The following CDH4 variants were observed in gnomAD, a reference collection of about 807,000 sequenced individuals.
The protein encoded by CDH4 is cadherin-4.
CDH4 carries 33 observed loss-of-function variants against 86.0 expected under a neutral mutation model. The observed-to-expected ratio is 0.38, with a 90% confidence interval of 0.29 to 0.51. CDH4 has a LOEUF of 0.51. Among genes scored for constraint, CDH4 ranks in the 20% least tolerant of loss-of-function variants. The pLI is 0.86. For synonymous variants in CDH4, 555 were observed against 549.4 expected (o/e 1.01, Z -0.14); for missense variants, 1,114 against 1,307.4 (o/e 0.85, Z 2.28).
At chr20:61,523,490 C>T (rs1254236709) in intron 2 of CDH4, among the ~76,000 whole-genome samples, 1 of 152,270 alleles carries the variant, frequency 6.6e-6, no homozygotes, top group Non-Finnish European at 1.5e-5. Flanking sequence ...CTTCCAAAAC[C>T]TTCCATGGAG....
At chr20:61,702,497 G>C (rs1049929692) in intron 2 of CDH4, among the ~76,000 whole-genome samples, 1 of 152,198 alleles carries the variant, frequency 6.6e-6, no homozygotes, top group African/African-American at 2.4e-5. Flanking sequence ...CAGACGCTTC[G>C]CACTGTGTGT....
chr20:61,546,564 G>A (rs934512474), intron 2 of CDH4, among the ~76,000 whole-genome samples: 3 of 151,702 alleles, frequency 2.0e-5, no homozygotes, highest in Non-Finnish European at 4.4e-5. Flanking sequence ...AGGCAGTTTT[G>A]TGCCCAGAAA....
At chr20:61,852,979 G>A in intron 6 of CDH4, 81 bp downstream of exon 6, 1 of 1,440,608 alleles carries the variant, frequency 6.9e-7, no homozygotes, top group Non-Finnish European at 9.5e-7. Context: ...GGGGAGGGCT[G>A]CTTAGTCCCC....
chr20:61,458,567 GTGA>G (rs909176072), intron 2 of CDH4, among the ~76,000 whole-genome samples: 5 of 152,072 alleles, frequency 3.3e-5, no homozygotes, highest in African/African-American at 7.2e-5. Flanking sequence ...GGTGATGATA[GTGA>G]TGATGGTGAT....
chr20:61,451,297 A>C (rs2085379091), intron 2 of CDH4, among the ~76,000 whole-genome samples: 2 of 151,988 alleles, frequency 1.3e-5, no homozygotes, highest in Admixed American at 1.3e-4. Context: ...ACGGACCACC[A>C]TGGAGCATGT....
At chr20:61,733,014 C>G (rs2088213033) in intron 2 of CDH4, among the ~76,000 whole-genome samples, 1 of 152,070 alleles carries the variant, frequency 6.6e-6, no homozygotes, top group Non-Finnish European at 1.5e-5. Context: ...CAGCTCCCAC[C>G]TCTGAAAACG....
chr20:61,890,735 GT>G (rs981748381), intron 7 of CDH4, among the ~76,000 whole-genome samples: 1 of 151,986 alleles, frequency 6.6e-6, no homozygotes, highest in East Asian at 1.9e-4. Flanking sequence ...GCTATTTCTG[GT>G]TTTTTTTGTA....
At chr20:61,349,591 G>A (rs2084698110) in intron 2 of CDH4, among the ~76,000 whole-genome samples, 1 of 152,224 alleles carries the variant, frequency 6.6e-6, no homozygotes, top group Non-Finnish European at 1.5e-5. Flanking sequence ...GCTGCTGGAT[G>A]TGTATGGACC....
intron 2 of CDH4, among the ~76,000 whole-genome samples, chr20:61,677,989 A>G (rs2087464450): frequency 6.6e-6 from 1 of 152,058 alleles, no homozygotes; most frequent in African/African-American, 2.4e-5. Context: ...GATAGATGAT[A>G]CATAGATGGA....
chr20:61,369,387 G>T lies in CDH4; in HGVS notation c.169+114450G>T, dbSNP rs555050759. 1.6e-4 allele frequency among the ~76,000 whole-genome samples: 24 copies of T among 148,470 alleles called. No individual in the cohort carries two copies. The South Asian group carries it at 5.1e-3, about 32-fold the overall frequency. ...AATTGCTTGAACCCGGGTGGTGGAGGTTGCAGTGAGCCAAGACCATAACAT... is the reference window on the plus strand; with the variant it reads ...AATTGCTTGAACCCGGGTGGTGGAGTTTGCAGTGAGCCAAGACCATAACAT... On this transcript the variant is annotated intron_variant, in intron 2 of 15. Transcript: ENST00000614565.
intron 2 of CDH4, among the ~76,000 whole-genome samples, chr20:61,274,445 TTGTGCAGTTTGGGGGAAGACCA>T (rs1394649221): frequency 7.6e-4 from 18 of 23,802 alleles, no homozygotes; most frequent in Non-Finnish European, 1.2e-3. Context: ...GGGGAGTACT[TTGTGCAGTTTGGGGGAAGACCA>T]TGTGCAGTTT....
At chr20:61,425,256 G>T (rs566977789) in intron 2 of CDH4, among the ~76,000 whole-genome samples, 2 of 152,256 alleles carry the variant, frequency 1.3e-5, no homozygotes, top group South Asian at 2.1e-4. Flanking sequence ...ACCACAGAAG[G>T]CTCCGGGAAC....
chr20:61,588,422 G>A (rs530667880), intron 2 of CDH4, among the ~76,000 whole-genome samples: 4 of 152,184 alleles, frequency 2.6e-5, no homozygotes, highest in African/African-American at 4.8e-5. Context: ...TGTTCAGCTC[G>A]TACCAAGGAC....
rs1171423902 is a variant in CDH4 at position 61,522,855 on chromosome 20, T to C, written c.170-220708T>C. On this transcript the variant is annotated intron_variant, in intron 2 of 15. Coordinates refer to ENST00000614565, the MANE Select transcript of CDH4 (RefSeq NM_001794.5). The stretch of plus-strand genomic sequence containing the variant: ...AGTTATCCTGGCCAGTTGATTAGTC[T>C]AACACTTACTACCGGGTGGGCCGGA... Among the ~76,000 whole-genome samples the C allele has an allele frequency of 3.3e-5, 5 of 152,374 alleles. No homozygotes were observed. The South Asian group carries it at 1.0e-3, about 32-fold the overall frequency.
At chr20:61,567,800 G>A (rs368864087) in intron 2 of CDH4, among the ~76,000 whole-genome samples, 3 of 151,976 alleles carry the variant, frequency 2.0e-5, no homozygotes, top group East Asian at 3.9e-4. Flanking sequence ...TGGGCAACAC[G>A]GCAAAACCCC....
At chr20:61,606,903 C>T (rs1301623605) in intron 2 of CDH4, among the ~76,000 whole-genome samples, 1 of 152,252 alleles carries the variant, frequency 6.6e-6, no homozygotes, top group Admixed American at 6.5e-5. Flanking sequence ...CCGGGATGTC[C>T]TGGTGAGCCC....
intron 7 of CDH4, among the ~76,000 whole-genome samples, chr20:61,877,374 A>ACCCCCCG (rs1320785802): frequency 2.1e-5 from 1 of 48,146 alleles, no homozygotes; most frequent in Admixed American, 2.5e-4. Context: ...CCCACCCCCC[A>ACCCCCCG]CCCCCCGCTG....
Position 61,562,110 on chromosome 20 carries a change from G to GGAGA in CDH4, c.170-181449_170-181446dup, listed in dbSNP as rs778452245. ...TGGAGAGGTGGACCCCAGGGCTCCC[G>GGAGA]GAGAGAGGGACCTCCGTGTGGAGAG... is the stretch of plus-strand genomic sequence containing the variant. On this transcript the variant is annotated intron_variant, in intron 2 of 15. Transcript: ENST00000614565. Among the ~76,000 whole-genome samples, 18 of 78,488 alleles carry GGAGA rather than the reference G, an allele frequency of 2.3e-4. 1 individual carries two copies. In the East Asian group the frequency reaches 2.5e-3, roughly 11 times the overall value. The allele number at this position is 78,488 out of a possible 152,430, so 51.5% of individuals were successfully genotyped here.
chr20:61,265,466 A>G (rs1483331883), intron 2 of CDH4, among the ~76,000 whole-genome samples: 1 of 148,492 alleles, frequency 6.7e-6, no homozygotes. Context: ...CCTTCATTCA[A>G]TCTTACACAG....
Sources: allele counts gnomAD v4.1 joint callset (sites outside exome capture counted in the v4.1 genomes callset), GRCh38; gene constraint gnomAD v4.1.1; transcripts MANE v1.5; gene names NCBI Gene and HGNC (gene_info 2026-07-23, HGNC 2026-07-21).